The following NFIB variants were observed in gnomAD, a reference collection of about 807,000 sequenced individuals.
NFIB encodes nuclear factor I B.
NFIB carries 11 observed loss-of-function variants against 61.5 expected under a neutral mutation model. That is an observed-to-expected ratio of 0.18 (90% CI 0.11 to 0.30). The LOEUF is 0.30. Ranked by LOEUF, NFIB falls within the 10% of genes least tolerant of loss-of-function variation. The pLI is 1.00. For missense variants in NFIB, 471 were observed against 608.9 expected (o/e 0.77, Z 2.38); for synonymous variants, 260 against 216.5 (o/e 1.20, Z -1.76).
the NFIB span, among the ~76,000 whole-genome samples, chr9:14,524,311 G>A: frequency 8.6e-5 from 13 of 151,990 alleles, no homozygotes; most frequent in Admixed American, 1.3e-4. Context: ...GCATAGAAAC[G>A]TATCAAATGT....
At chr9:14,097,555 A>G (rs558952521) in intron 10 of NFIB, among the ~76,000 whole-genome samples, 1 of 152,176 alleles carries the variant, frequency 6.6e-6, no homozygotes, top group African/African-American at 2.4e-5. Flanking sequence ...TTAACTCTTT[A>G]TATTACCTAA....
intron 2 of NFIB, among the ~76,000 whole-genome samples, chr9:14,206,497 T>G (rs985583153): frequency 6.6e-6 from 1 of 151,970 alleles, no homozygotes; most frequent in Non-Finnish European, 1.5e-5. Flanking sequence ...CTTGAGCTAA[T>G]TTCTTTCCTT....
At chr9:14,108,704 A>AAT (rs974253902) in intron 10 of NFIB, among the ~76,000 whole-genome samples, 4 of 151,918 alleles carry the variant, frequency 2.6e-5, no homozygotes, top group South Asian at 2.1e-4. Context: ...TATTATAGGT[A>AAT]ATATATATAT....
chr9:14,104,441 T>C (rs1241396935), intron 10 of NFIB, among the ~76,000 whole-genome samples: 4 of 152,076 alleles, frequency 2.6e-5, no homozygotes, highest in Non-Finnish European at 5.9e-5. Context: ...CAGTTTTTTT[T>C]ACTGTAAAAG....
At chr9:14,257,310 C>A (rs1421677533) in intron 2 of NFIB, among the ~76,000 whole-genome samples, 1 of 152,146 alleles carries the variant, frequency 6.6e-6, no homozygotes, top group Non-Finnish European at 1.5e-5. Flanking sequence ...TACTGCACAG[C>A]TGAAAAAAAC....
rs1472180771 is a variant in NFIB at position 14,082,646 on chromosome 9, T to C, written c.*5663A>G. On this transcript the variant is annotated 3_prime_UTR_variant, in exon 11 of 11. Transcript: ENST00000380953. ...AACAGGCACTGCTCATTTGTTTGAGTTTTTTGGTAAACATTTTGCTGGTTT... is the reference window on the plus strand; with the variant it reads ...AACAGGCACTGCTCATTTGTTTGAGCTTTTTGGTAAACATTTTGCTGGTTT... 4.9e-6 allele frequency: 1 copy of C among 204,498 alleles called. No individual in the cohort carries two copies. Among genetic ancestry groups the C allele is most frequent in the Non-Finnish European group, 1.0e-5 (1 of 100,364 alleles). 12.7% of individuals were successfully genotyped at this position (204,498 alleles called of 1,614,324 possible).
chr9:14,165,405 T>C (rs951434937), intron 3 of NFIB, among the ~76,000 whole-genome samples: 1 of 152,154 alleles, frequency 6.6e-6, no homozygotes, highest in Admixed American at 6.5e-5. Flanking sequence ...AAATAAAATA[T>C]GAAATTGAAT....
intron 3 of NFIB, among the ~76,000 whole-genome samples, chr9:14,177,111 G>A (rs1466550013): frequency 6.6e-6 from 1 of 152,278 alleles, no homozygotes; most frequent in African/African-American, 2.4e-5. Context: ...AAAGTGATTT[G>A]ATTGTTTCAT....
At chr9:14,475,078 C>T in the NFIB span, among the ~76,000 whole-genome samples, 4 of 152,370 alleles carry the variant, frequency 2.6e-5, no homozygotes, top group South Asian at 8.3e-4. Context: ...GCCTTACCAG[C>T]TATCTGGGTA....
At chr9:14,264,768 A>C (rs1173444530) in intron 2 of NFIB, among the ~76,000 whole-genome samples, 1 of 152,192 alleles carries the variant, frequency 6.6e-6, no homozygotes, top group Non-Finnish European at 1.5e-5. Flanking sequence ...AGTTCCAATC[A>C]GAGAACGTTA....
the NFIB span, among the ~76,000 whole-genome samples, chr9:14,505,709 G>C: frequency 6.6e-6 from 1 of 152,100 alleles, no homozygotes; most frequent in East Asian, 1.9e-4. Flanking sequence ...TGGGGAGGGG[G>C]AACAGAGAGC....
At chr9:14,401,173 C>T (rs1261761910), upstream of NFIB, among the ~76,000 whole-genome samples, 1 of 152,186 alleles carries the variant, frequency 6.6e-6, no homozygotes, top group Non-Finnish European at 1.5e-5. Flanking sequence ...CTTGAAAAGG[C>T]TCATTGTGTG....
At chr9:14,283,635 CT>C (rs1439129966) in intron 2 of NFIB, among the ~76,000 whole-genome samples, 2 of 152,198 alleles carry the variant, frequency 1.3e-5, no homozygotes, top group African/African-American at 4.8e-5. Context: ...GCCATCACTG[CT>C]CTTTTTAAAG....
intron 2 of NFIB, among the ~76,000 whole-genome samples, chr9:14,210,911 G>C (rs2050239584): frequency 6.6e-6 from 1 of 152,028 alleles, no homozygotes; most frequent in South Asian, 2.1e-4. Flanking sequence ...TGGATTTTCT[G>C]GGAAGTTACT....
intron 1 of NFIB, among the ~76,000 whole-genome samples, chr9:14,373,633 T>C (rs925416774): frequency 7.2e-6 from 1 of 139,586 alleles, no homozygotes; most frequent in Non-Finnish European, 1.5e-5. Context: ...GCTGTGTGTG[T>C]CCACATGAGT....
intron 3 of NFIB, among the ~76,000 whole-genome samples, chr9:14,170,711 AC>A (rs1358854696): frequency 6.6e-6 from 1 of 152,212 alleles, no homozygotes; most frequent in African/African-American, 2.4e-5. Context: ...AACAGCAGGT[AC>A]CATCACAACC....
At chr9:14,492,344 C>A in the NFIB span, among the ~76,000 whole-genome samples, 2 of 150,198 alleles carry the variant, frequency 1.3e-5, no homozygotes, top group South Asian at 2.1e-4. Context: ...GCCTGGGTGA[C>A]AGAGTGAGAC....
the NFIB span, among the ~76,000 whole-genome samples, chr9:14,496,248 T>G: frequency 6.6e-6 from 1 of 152,232 alleles, no homozygotes; most frequent in African/African-American, 2.4e-5. Context: ...GGAACCCATA[T>G]CTAAATTTGA....
At chr9:14,514,319 T>TACACACACACACACACAC in the NFIB span, among the ~76,000 whole-genome samples, 31 of 52,714 alleles carry the variant, frequency 5.9e-4, no homozygotes, top group African/African-American at 1.8e-3. Flanking sequence ...TACACATACA[T>TACACACACACACACACAC]ACATACATAC....
Sources: gnomAD v4.1 joint callset for allele counts (sites outside exome capture counted in the v4.1 genomes callset) on GRCh38, gnomAD v4.1.1 for gene constraint, MANE v1.5 for transcripts, NCBI Gene and HGNC (gene_info 2026-07-23, HGNC 2026-07-21) for gene names.